The following ATP6V1H variants were observed in gnomAD, a reference collection of about 807,000 sequenced individuals.
ATP6V1H encodes V-type proton ATPase subunit H.
In ATP6V1H, 39 loss-of-function variants were observed where a neutral mutation model predicts 71.7. That is an observed-to-expected ratio of 0.54 (90% CI 0.42 to 0.71). The LOEUF is 0.71. ATP6V1H is among the 30% of genes least tolerant of loss of function. ATP6V1H has a pLI of 0.00. For synonymous variants in ATP6V1H, 192 were observed against 199.3 expected, an observed-to-expected ratio of 0.96 and a Z score of 0.31; for missense variants, 509 against 594.9, an observed-to-expected ratio of 0.86 and a Z score of 1.50.
At chr8:53,733,296 G>C (rs990337718) in intron 13 of ATP6V1H, among the ~76,000 whole-genome samples, 1 of 152,174 alleles carries the variant, frequency 6.6e-6, no homozygotes, top group Non-Finnish European at 1.5e-5. Context: ...GGAAGATCCG[G>C]GGTCAGGTGT....
chr8:53,833,554 GAAA>G (rs770822594), intron 2 of ATP6V1H, among the ~76,000 whole-genome samples: 1 of 134,666 alleles, frequency 7.4e-6, no homozygotes, highest in East Asian at 2.2e-4. Context: ...CCTCCAGACA[GAAA>G]AAAAAAAAAC....
chr8:53,725,728 A>G (rs1806788686), intron 13 of ATP6V1H, among the ~76,000 whole-genome samples: 1 of 151,864 alleles, frequency 6.6e-6, no homozygotes, highest in Non-Finnish European at 1.5e-5. Context: ...ATCTACCCCA[A>G]CTGGGAGATT....
chr8:53,833,136 G>GC, intron 2 of ATP6V1H, 50 bp from the exon 3 acceptor site: 1 of 1,447,386 alleles, frequency 6.9e-7, no homozygotes, highest in African/African-American at 1.4e-5. Flanking sequence ...GAATATGTAA[G>GC]CAAGCGATAG....
chr8:53,778,754 G>T (rs533636195), intron 9 of ATP6V1H, among the ~76,000 whole-genome samples: 9 of 152,302 alleles, frequency 5.9e-5, no homozygotes, highest in African/African-American at 1.9e-4. Context: ...CAGTGAACTA[G>T]ATACTCCAGT....
intron 9 of ATP6V1H, among the ~76,000 whole-genome samples, chr8:53,786,887 A>C (rs528847558): frequency 1.3e-5 from 2 of 152,376 alleles, no homozygotes; most frequent in Admixed American, 1.3e-4. Context: ...ATGTGAAAGC[A>C]GTGTTTCGAA....
chr8:53,821,658 G>A (rs903453890), intron 4 of ATP6V1H, among the ~76,000 whole-genome samples: 2 of 151,976 alleles, frequency 1.3e-5, no homozygotes, highest in African/African-American at 4.8e-5. Context: ...CTGAACTCTA[G>A]CCGAGGCAAC....
At chr8:53,831,117 CA>C (rs1217088098) in intron 3 of ATP6V1H, among the ~76,000 whole-genome samples, 1 of 152,198 alleles carries the variant, frequency 6.6e-6, no homozygotes, top group African/African-American at 2.4e-5. Context: ...AGATTATAAA[CA>C]CTTCCATAGA....
chr8:53,823,997 GAAA>G (rs770998284), intron 4 of ATP6V1H, among the ~76,000 whole-genome samples: 1 of 133,846 alleles, frequency 7.5e-6, no homozygotes, highest in Non-Finnish European at 1.6e-5. Flanking sequence ...GGTTAATCAA[GAAA>G]AAAAAAAAGC....
At chr8:53,822,490 G>T (rs1013542544) in intron 4 of ATP6V1H, among the ~76,000 whole-genome samples, 1 of 152,048 alleles carries the variant, frequency 6.6e-6, no homozygotes, top group Non-Finnish European at 1.5e-5. Flanking sequence ...TAAAACAGGG[G>T]ATTAACAGCA....
chr8:53,768,853 T>C (rs1044438335), intron 11 of ATP6V1H, among the ~76,000 whole-genome samples: 1 of 152,162 alleles, frequency 6.6e-6, no homozygotes, highest in African/African-American at 2.4e-5. Flanking sequence ...ATTTTGTCAA[T>C]GGGTACAAAT....
At chr8:53,718,149 T>C (rs1045063404) in intron 13 of ATP6V1H, among the ~76,000 whole-genome samples, 14 of 152,174 alleles carry the variant, frequency 9.2e-5, no homozygotes, top group Non-Finnish European at 2.1e-4. Context: ...TCATTCCCCA[T>C]ATCAGACTTC....
chr8:53,807,366 G>A (rs551005778), intron 7 of ATP6V1H, among the ~76,000 whole-genome samples: 129 of 152,048 alleles, frequency 8.5e-4, no homozygotes, highest in Non-Finnish European at 1.0e-3. Context: ...TTGGGAGGCC[G>A]AGGTGGGCAG....
chr8:53,811,066 T>C (rs879008704), intron 7 of ATP6V1H, 98 bp downstream of exon 7: 3 of 907,822 alleles, frequency 3.3e-6, no homozygotes, highest in African/African-American at 1.7e-5. Context: ...CATGGATTTA[T>C]AGTTGGGGAA....
At chr8:53,783,233 C>T (rs1287720889) in intron 9 of ATP6V1H, among the ~76,000 whole-genome samples, 2 of 152,102 alleles carry the variant, frequency 1.3e-5, no homozygotes, top group East Asian at 3.8e-4. Flanking sequence ...TGTTATTGGT[C>T]TATTCAGAGA....
At chr8:53,817,102 C>T (rs1196237257) in intron 5 of ATP6V1H, among the ~76,000 whole-genome samples, 3 of 152,080 alleles carry the variant, frequency 2.0e-5, no homozygotes, top group East Asian at 1.9e-4. Context: ...CCTATGGGAA[C>T]GGACAGGTTA....
At position 53,801,145 on chromosome 8, in the gene ATP6V1H, G is replaced by T. The variant is rs149691808; in HGVS notation, c.677+654C>A. On this transcript the variant is annotated intron_variant, in intron 8 of 13. Coordinates refer to ENST00000359530, the MANE Select transcript of ATP6V1H (RefSeq NM_015941.4). ...GGTATATCCTACACTGGAGATACAG[G>T]GTAAGAGTCCAATGCTTGCTTTAAA... 2.2e-3 allele frequency among the ~76,000 whole-genome samples: 329 copies of T among 152,260 alleles called. 1 individual carries two copies. Among genetic ancestry groups the T allele is most frequent in the African/African-American group, 6.3e-3 (261 of 41,540 alleles).
chr8:53,748,380 A>G (rs148606354), intron 12 of ATP6V1H, among the ~76,000 whole-genome samples: 1 of 152,328 alleles, frequency 6.6e-6, no homozygotes, highest in African/African-American at 2.4e-5. Flanking sequence ...GAATTAGTCT[A>G]TATTCAATAA....
chr8:53,735,305 T>C (rs1807164024), intron 13 of ATP6V1H, among the ~76,000 whole-genome samples: 2 of 152,186 alleles, frequency 1.3e-5, no homozygotes, highest in South Asian at 4.1e-4. Context: ...ATTCCTAGCT[T>C]TGGACCACCC....
chr8:53,766,694 T>C (rs912063746), intron 11 of ATP6V1H, among the ~76,000 whole-genome samples: 10 of 152,204 alleles, frequency 6.6e-5, no homozygotes, highest in African/African-American at 2.4e-4. Flanking sequence ...TGTACCTGTC[T>C]CTTATGGTTG....
Sources: allele counts gnomAD v4.1 joint callset (sites outside exome capture counted in the v4.1 genomes callset), GRCh38; gene constraint gnomAD v4.1.1; transcripts MANE v1.5; gene names NCBI Gene and HGNC (gene_info 2026-07-23, HGNC 2026-07-21).